ANK2: variants seen among roughly 807,000 people sequenced by gnomAD.
ANK2 encodes the protein ankyrin 2, also known as ankyrin-2.
ANK2 carries 83 observed loss-of-function variants against 360.5 expected under a neutral mutation model. That is an observed-to-expected ratio of 0.23 (90% confidence interval 0.19 to 0.28). The LOEUF (loss-of-function observed/expected upper bound fraction) is 0.28. ANK2 is among the 10% of genes least tolerant of loss of function. The pLI is 1.00. For synonymous variants in ANK2, 1,740 were observed against 1,759.5 expected (o/e 0.99, Z 0.28); for missense variants, 4,201 against 4,795.7 (o/e 0.88, Z 3.66).
chr4:112,870,017 G>T (rs564062829), intron 1 of ANK2, among the ~76,000 whole-genome samples: 2 of 151,336 alleles, frequency 1.3e-5, no homozygotes, highest in African/African-American at 4.8e-5. Flanking sequence ...TTGTTTTCTT[G>T]AGACAGAGTC....
chr4:113,018,691 C>T (rs974303905), intron 2 of ANK2, among the ~76,000 whole-genome samples: 9 of 152,172 alleles, frequency 5.9e-5, no homozygotes, highest in South Asian at 2.1e-4. Context: ...TGAGCATGGG[C>T]GGTGTTTCTC....
the ANK2 span, among the ~76,000 whole-genome samples, chr4:112,768,696 C>A: frequency 6.6e-6 from 1 of 152,126 alleles, no homozygotes; most frequent in Admixed American, 6.5e-5. Flanking sequence ...AAAACTCATT[C>A]TTTGTGTTCT....
chr4:112,951,081 CAA>C (rs1184265938), intron 2 of ANK2, among the ~76,000 whole-genome samples: 117 of 55,938 alleles, frequency 2.1e-3, no homozygotes, highest in Middle Eastern at 0.01. Flanking sequence ...GCCTCCGTCT[CAA>C]AAAAAAAAAA....
At chr4:112,772,455 A>G in the ANK2 span, among the ~76,000 whole-genome samples, 7 of 152,308 alleles carry the variant, frequency 4.6e-5, no homozygotes, top group South Asian at 1.5e-3. Context: ...AACACAGCCA[A>G]ATCATATCAG....
intron 10 of ANK2, among the ~76,000 whole-genome samples, chr4:113,251,522 G>T (rs562681203): frequency 6.6e-5 from 8 of 121,678 alleles, no homozygotes; most frequent in Admixed American, 2.3e-4. Context: ...TCGCTCTGTC[G>T]CCCAGGCTGG....
chr4:112,775,468 G>A, the ANK2 span, among the ~76,000 whole-genome samples: 25 of 148,962 alleles, frequency 1.7e-4, no homozygotes, highest in Middle Eastern at 3.5e-3. Flanking sequence ...GCAGTGAGCC[G>A]AGATTGGGCC....
chr4:112,783,210 A>G, the ANK2 span, among the ~76,000 whole-genome samples: 2 of 152,176 alleles, frequency 1.3e-5, no homozygotes, highest in African/African-American at 4.8e-5. Flanking sequence ...CGCCTGGCCT[A>G]AATAGCTTTT....
chr4:113,288,467 A>T lies in ANK2; in HGVS notation c.2258A>T (p.Asn753Ile). 1 of 1,613,870 alleles carries T rather than the reference A, an allele frequency of 6.2e-7. No homozygotes were observed. Among genetic ancestry groups the T allele is most frequent in the South Asian group, 1.1e-5 (1 of 91,076 alleles). ...MVNFLLKQGA[N>I]VNAKTKNGYT... ...AACTTTCTTCTGAAGCAGGGAGCAA[A>T]TGTTAACGCAAAAACCAAGGTAAAG... The change falls in exon 20 of 46, where the codon AAT (asparagine) becomes ATT (isoleucine). Residue 753 changes from asparagine to isoleucine, a missense_variant. Coordinates refer to ENST00000357077, the MANE Select transcript of ANK2 (RefSeq NM_001148.6).
chr4:112,721,267 T>C, the ANK2 span, among the ~76,000 whole-genome samples: 1 of 152,076 alleles, frequency 6.6e-6, no homozygotes, highest in African/African-American at 2.4e-5. Flanking sequence ...TAGCCGGGCA[T>C]GGTAGCTCAC....
chr4:113,085,027 AT>A (rs1352363051), intron 1 of ANK2, among the ~76,000 whole-genome samples: 2 of 152,210 alleles, frequency 1.3e-5, no homozygotes, highest in African/African-American at 4.8e-5. Flanking sequence ...TGTTAAGATT[AT>A]AGTTCTCATT....
chr4:113,277,915 G>A lies in ANK2; in HGVS notation c.1762G>A (p.Ala588Thr), dbSNP rs749143768. 1 of 1,613,852 alleles carries A rather than the reference G, an allele frequency of 6.2e-7. No individual in the cohort carries two copies. The highest frequency in any genetic ancestry group is 8.5e-7 in the Non-Finnish European group (1 of 1,179,770). Residue 588 changes from alanine to threonine, a missense_variant, in exon 16 of 46, where the codon GCC (alanine) becomes ACC (threonine). Physicochemically the swap from Ala to Thr is moderately conservative, Grantham distance 58. This residue lies in a region of ANK2 where 1,268 missense variants were observed against 1,650.8 expected (regional missense o/e 0.77). Coordinates refer to ENST00000357077, the MANE Select transcript of ANK2 (RefSeq NM_001148.6). ...VAKLLLQRRA[A>T]ADSAGKNGLT... ...AAAACTTCTCTTGCAACGCCGTGCT[G>A]CCGCAGATTCTGCAGGGAAGGTAAA...
At chr4:113,229,897 G>A (rs993306421) in intron 4 of ANK2, among the ~76,000 whole-genome samples, 2 of 152,132 alleles carry the variant, frequency 1.3e-5, no homozygotes, top group Admixed American at 6.5e-5. Flanking sequence ...AAGCATGTTA[G>A]CAAATTGTTT....
chr4:112,864,396 G>A (rs1026831395), intron 1 of ANK2, among the ~76,000 whole-genome samples: 3 of 152,000 alleles, frequency 2.0e-5, no homozygotes, highest in Non-Finnish European at 4.4e-5. Context: ...TGCAATCTCC[G>A]CCTCCCAAGT....
At chr4:113,141,915 A>G (rs1359995760) in intron 1 of ANK2, among the ~76,000 whole-genome samples, 1 of 152,238 alleles carries the variant, frequency 6.6e-6, no homozygotes, top group Non-Finnish European at 1.5e-5. Context: ...AAATAATAAC[A>G]GTAAAAGGGC....
chr4:113,010,499 C>G (rs1168911759), intron 2 of ANK2, among the ~76,000 whole-genome samples: 1 of 152,064 alleles, frequency 6.6e-6, no homozygotes, highest in Non-Finnish European at 1.5e-5. Context: ...GCTGGGAACA[C>G]TGAAGTGAAC....
At chr4:113,149,034 T>C (rs1293802042) in intron 1 of ANK2, 2 of 152,264 alleles carry the variant, frequency 1.3e-5, no homozygotes, top group East Asian at 3.8e-4. Flanking sequence ...AAAATCTCTC[T>C]CCCTTTCTCC....
At chr4:113,267,467 T>C (rs2056654600) in intron 14 of ANK2, among the ~76,000 whole-genome samples, 1 of 152,250 alleles carries the variant, frequency 6.6e-6, no homozygotes, top group South Asian at 2.1e-4. Context: ...TTTCTGCATA[T>C]GGCTAGCCAG....
chr4:113,069,403 G>C lies in ANK2; in HGVS notation c.84+19591G>C, dbSNP rs1038484024. Among the ~76,000 whole-genome samples, 7 of 152,236 alleles carry C rather than the reference G, an allele frequency of 4.6e-5. No individual in the cohort carries two copies. The East Asian group carries it at 1.3e-3, about 29-fold the overall frequency. ...CAGCACAGGCTACAGTGGACAGTGT[G>C]CAATAGCAACCCTTGTCATGAAGGC... is the stretch of plus-strand genomic sequence containing the variant. On this transcript the variant is annotated intron_variant, in intron 1 of 45. Coordinates refer to ENST00000357077, the MANE Select transcript of ANK2 (RefSeq NM_001148.6).
chr4:112,889,825 T>C (rs897179525), intron 1 of ANK2, among the ~76,000 whole-genome samples: 10 of 152,210 alleles, frequency 6.6e-5, no homozygotes, highest in African/African-American at 2.4e-4. Flanking sequence ...TATTTGAGTT[T>C]GAGGAAACAC....
Sources: allele counts gnomAD v4.1 joint callset (sites outside exome capture counted in the v4.1 genomes callset), GRCh38; gene constraint gnomAD v4.1.1; regional missense constraint gnomAD v4.1.1; transcripts MANE v1.5; gene names NCBI Gene and HGNC (gene_info 2026-07-23, HGNC 2026-07-21).